The following AKAP6 variants were observed in gnomAD, a reference collection of about 807,000 sequenced individuals.
AKAP6 encodes the protein A-kinase anchoring protein 6.
AKAP6 carries 58 observed loss-of-function variants against 188.5 expected under a neutral mutation model. The observed-to-expected ratio is 0.31, with a 90% CI of 0.25 to 0.38. The LOEUF (loss-of-function observed/expected upper bound fraction) is 0.38, where lower values mean the gene tolerates loss of function less well. Ranked by LOEUF, AKAP6 falls within the 10% of genes least tolerant of loss-of-function variation. The probability of loss-of-function intolerance (pLI) is 1.00; values close to 1 mark genes in which losing one functional copy is unlikely to be tolerated. For missense variants in AKAP6, 2,710 were observed against 2,740.0 expected, an observed-to-expected ratio of 0.99 and a Z score of 0.24; for synonymous variants, 989 against 998.6, an observed-to-expected ratio of 0.99 and a Z score of 0.18.
At chr14:32,750,711 C>T (rs977862886) in intron 11 of AKAP6, among the ~76,000 whole-genome samples, 1 of 149,856 alleles carries the variant, frequency 6.7e-6, no homozygotes, top group Non-Finnish European at 1.5e-5. Context: ...GACAAGAGAG[C>T]AGGACTGGGT....
chr14:32,679,260 T>C (rs1390288083), intron 8 of AKAP6, among the ~76,000 whole-genome samples: 3 of 152,112 alleles, frequency 2.0e-5, no homozygotes, highest in Non-Finnish European at 4.4e-5. Flanking sequence ...TAATATTTAA[T>C]AGGTGATTTT....
intron 12 of AKAP6, among the ~76,000 whole-genome samples, chr14:32,801,221 C>T (rs1000561017): frequency 2.7e-4 from 41 of 151,660 alleles, no homozygotes; most frequent in African/African-American, 9.9e-4. Context: ...TTTTTTCCTT[C>T]TTTTTCTGCT....
At chr14:32,453,634 T>C (rs1270624902) in intron 2 of AKAP6, among the ~76,000 whole-genome samples, 1 of 125,994 alleles carries the variant, frequency 7.9e-6, no homozygotes, top group East Asian at 2.5e-4. Flanking sequence ...TCTCGTTCTG[T>C]CGCCCAGGCG....
chr14:32,613,183 A>G (rs74686514), intron 7 of AKAP6, among the ~76,000 whole-genome samples: 2,178 of 152,298 alleles, frequency 0.014, 54 homozygotes, highest in African/African-American at 0.049. Context: ...TTTATACTAG[A>G]CACAAACACA....
intron 1 of AKAP6, among the ~76,000 whole-genome samples, chr14:32,355,382 A>G (rs1323970218): frequency 6.6e-6 from 1 of 151,854 alleles, no homozygotes; most frequent in Non-Finnish European, 1.5e-5. Context: ...AAGCCCTACT[A>G]CATAAATGTT....
chr14:32,540,166 C>CTATATATATATATA (rs1459842154), intron 3 of AKAP6, among the ~76,000 whole-genome samples: 5 of 87,424 alleles, frequency 5.7e-5, no homozygotes, highest in African/African-American at 3.1e-4. Context: ...CTCTCTCTCT[C>CTATATATATATATA]TCTATATATA....
intron 5 of AKAP6, among the ~76,000 whole-genome samples, chr14:32,590,590 A>G (rs1236117772): frequency 6.6e-6 from 1 of 152,206 alleles, no homozygotes; most frequent in Non-Finnish European, 1.5e-5. Context: ...GAGCATGTCT[A>G]CAAGTTATTT....
chr14:32,637,891 T>C (rs1887576746), intron 7 of AKAP6, among the ~76,000 whole-genome samples: 1 of 152,008 alleles, frequency 6.6e-6, no homozygotes, highest in African/African-American at 2.4e-5. Context: ...TCAATATCAC[T>C]TACACTGGAA....
intron 11 of AKAP6, among the ~76,000 whole-genome samples, chr14:32,745,377 GA>G (rs2031851708): frequency 7.2e-6 from 1 of 138,960 alleles, no homozygotes; most frequent in South Asian, 2.2e-4. Context: ...GATGGTCTTG[GA>G]CAACGTCTAG....
intron 2 of AKAP6, among the ~76,000 whole-genome samples, chr14:32,506,880 T>C (rs1179280773): frequency 6.6e-6 from 1 of 152,136 alleles, no homozygotes; most frequent in Non-Finnish European, 1.5e-5. Flanking sequence ...TCTCTTTTTC[T>C]CTGTGTGCAT....
intron 2 of AKAP6, among the ~76,000 whole-genome samples, chr14:32,511,312 T>C (rs1333652269): frequency 6.6e-6 from 1 of 151,910 alleles, no homozygotes; most frequent in African/African-American, 2.4e-5. Flanking sequence ...CTTGTTTCAG[T>C]GTTTCAGGTC....
intron 9 of AKAP6, among the ~76,000 whole-genome samples, chr14:32,725,091 T>C (rs939435961): frequency 6.7e-6 from 1 of 149,912 alleles, no homozygotes; most frequent in Middle Eastern, 3.2e-3. Flanking sequence ...CTCCAAATGG[T>C]TCACATGCCT....
intron 5 of AKAP6, among the ~76,000 whole-genome samples, chr14:32,596,345 C>T (rs1885704311): frequency 6.6e-6 from 1 of 152,152 alleles, no homozygotes; most frequent in African/African-American, 2.4e-5. Flanking sequence ...GACCAAAGTA[C>T]AATCAGTGGG....
At chr14:32,481,580 C>A (rs1303747977) in intron 2 of AKAP6, among the ~76,000 whole-genome samples, 5 of 152,156 alleles carry the variant, frequency 3.3e-5, no homozygotes, top group Non-Finnish European at 5.9e-5. Flanking sequence ...ATAAAACCGT[C>A]AGATCTTATG....
intron 4 of AKAP6, among the ~76,000 whole-genome samples, chr14:32,563,978 G>A (rs1252119663): frequency 1.3e-5 from 2 of 151,998 alleles, no homozygotes; most frequent in East Asian, 1.9e-4. Context: ...CTCAGTATCC[G>A]TGGGGGATTC....
intron 2 of AKAP6, among the ~76,000 whole-genome samples, chr14:32,475,700 A>G (rs1230789356): frequency 2.3e-5 from 3 of 132,650 alleles, no homozygotes; most frequent in South Asian, 4.8e-4. Flanking sequence ...TTTTTTTGAG[A>G]CGGAGTCTCG....
At chr14:32,650,225 C>A (rs75227662) in intron 7 of AKAP6, among the ~76,000 whole-genome samples, 45,024 of 151,692 alleles carry the variant, frequency 0.3, 8,532 homozygotes, top group East Asian at 0.84. Context: ...GCTGCTTCCC[C>A]CTAATTCACC....
intron 1 of AKAP6, among the ~76,000 whole-genome samples, chr14:32,353,150 A>G (rs1256748104): frequency 2.0e-5 from 3 of 152,154 alleles, no homozygotes; most frequent in Non-Finnish European, 2.9e-5. Flanking sequence ...AGAACAGTGA[A>G]GCTAAGTGAT....
At chr14:32,750,859 C>T (rs1055610773) in intron 11 of AKAP6, among the ~76,000 whole-genome samples, 13 of 151,628 alleles carry the variant, frequency 8.6e-5, no homozygotes, top group African/African-American at 2.9e-4. Context: ...CTCAGCCTCC[C>T]GAGTAGCTGG....
Sources: allele counts gnomAD v4.1 joint callset (sites outside exome capture counted in the v4.1 genomes callset), GRCh38; gene constraint gnomAD v4.1.1; transcripts MANE v1.5; gene names NCBI Gene and HGNC (gene_info 2026-07-23, HGNC 2026-07-21).